SGSM3: variants seen among roughly 807,000 people sequenced by gnomAD.
SGSM3 encodes RUN and SH3 containing 3.
In SGSM3, 96 loss-of-function variants were observed where a neutral mutation model predicts 100.5. The ratio of observed to expected loss-of-function variants is 0.96; its 90% CI spans 0.81 to 1.13. SGSM3 has a LOEUF of 1.13. SGSM3 is among the 50% of genes most tolerant of loss of function. SGSM3 has a pLI of 0.00. For missense variants in SGSM3, 1,001 were observed against 1,015.8 expected (o/e 0.99, Z 0.20); for synonymous variants, 483 against 422.8 (o/e 1.14, Z -1.75).
chr22:40,408,285 C>T lies in SGSM3; in HGVS notation c.1638C>T (p.Ile546=), dbSNP rs147526904. 6.3e-5 allele frequency: 102 copies of T among 1,613,412 alleles called. No individual in the cohort carries two copies. Among genetic ancestry groups the T allele is most frequent in the East Asian group, 8.9e-5 (4 of 44,882 alleles). ...VLDERSKEYS[I]AGDDSVTEGV... ...CCCATCCCTCCCATCAGTACTCCAT[C>T]GCGGGGGATGACTCGGTGACGGAGG... is the stretch of plus-strand genomic sequence containing the variant. The change falls in exon 16 of 22, where the codon ATC becomes ATT. Residue 546 remains isoleucine, a synonymous_variant. Transcript: ENST00000248929.
rs913076233 is a variant in SGSM3, at chr22:40,407,626, C to A, written c.1524+58C>A. 4 of 1,583,926 alleles carry A rather than the reference C, an allele frequency of 2.5e-6. No homozygotes were observed. The highest frequency in any genetic ancestry group is 3.4e-6 in the Non-Finnish European group (4 of 1,168,012). On this transcript the variant is annotated intron_variant, in intron 13 of 21. Transcript: ENST00000248929. This position sits in a 1 kb window ranked among gnomAD's most constrained non-coding sequence, Gnocchi z 4.7. ...GGCTGTGGCGGGTTCCCCAGACTCC[C>A]TCCACCAAGCCCCACCCCAACCCCT...
rs202034135 is a variant in SGSM3, at chr22:40,406,111, C to T, written c.848C>T (p.Thr283Met). 2.4e-5 allele frequency: 38 copies of T among 1,613,980 alleles called. No individual in the cohort carries two copies. In the East Asian group the frequency reaches 4.0e-4, roughly 17 times the overall value. Residue 283 changes from threonine to methionine, a missense_variant, in exon 9 of 22, where the codon ACG becomes ATG. Physicochemically the swap from Thr to Met is moderately conservative, Grantham distance 81 (BLOSUM62 -1). Coordinates refer to ENST00000248929, the MANE Select transcript of SGSM3 (RefSeq NM_015705.6). ...CTGATCACACTGCACTGGTTCCTCACGGCCTTCGCCAGCGTGGTGGACATC... is the reference window on the plus strand; with the variant it reads ...CTGATCACACTGCACTGGTTCCTCATGGCCTTCGCCAGCGTGGTGGACATC... ...LSLITLHWFL[T>M]AFASVVDIKL...
chr22:40,409,380 C>G lies in SGSM3; in HGVS notation c.2111+8C>G. The G allele has an allele frequency of 6.3e-7, 1 of 1,590,654 alleles. No individual in the cohort carries two copies. The highest frequency in any genetic ancestry group is 8.6e-7 in the Non-Finnish European group (1 of 1,166,918). On this transcript the variant is annotated splice_region_variant and intron_variant, in intron 20 of 21. Coordinates refer to ENST00000248929, the MANE Select transcript of SGSM3 (RefSeq NM_015705.6). ...GATCAAGTGTGAGCTCCGGTGAGGACCTTACTGGGCTTGGGGGATGGAGGT... is the reference window on the plus strand; with the variant it reads ...GATCAAGTGTGAGCTCCGGTGAGGAGCTTACTGGGCTTGGGGGATGGAGGT...
At chr22:40,379,908 G>A (rs1048880017) in intron 1 of SGSM3, among the ~76,000 whole-genome samples, 1 of 151,992 alleles carries the variant, frequency 6.6e-6, no homozygotes, top group South Asian at 2.1e-4. Flanking sequence ...ATTGGGTTTC[G>A]TCATGTTGCC....
intron 1 of SGSM3, among the ~76,000 whole-genome samples, chr22:40,382,418 A>G (rs1353032643): frequency 6.6e-6 from 1 of 151,880 alleles, no homozygotes; most frequent in Non-Finnish European, 1.5e-5. Flanking sequence ...GTTTCCTTAG[A>G]TGTCTTGGGG....
chr22:40,408,410 C>G lies in SGSM3; in HGVS notation c.1763C>G (p.Pro588Arg). The G allele has an allele frequency of 1.2e-6, 2 of 1,613,508 alleles. No homozygotes were observed. The highest frequency in any genetic ancestry group is 1.7e-6 in the Non-Finnish European group (2 of 1,179,978). ...KPSLLGGACH[P>R]WLFIEEAAGR... ...TCCCTGCTTGGGGGCGCCTGCCACC[C>G]CTGGCTGTTTATCGAGGAGGTAAGT... is the stretch of plus-strand genomic sequence containing the variant. The change falls in exon 16 of 22, where the codon CCC becomes CGC. Residue 588 changes from proline (P) to arginine (R), a missense_variant. Transcript: ENST00000248929.
At chr22:40,378,284 T>C (rs2046987106) in intron 1 of SGSM3, 1 of 151,796 alleles carries the variant, frequency 6.6e-6, no homozygotes, top group African/African-American at 2.4e-5. Flanking sequence ...ATAAGAAAAA[T>C]TAGCCAGGCA....
chr22:40,391,410 C>A (rs920745000), intron 1 of SGSM3, among the ~76,000 whole-genome samples: 2 of 152,142 alleles, frequency 1.3e-5, no homozygotes, highest in African/African-American at 4.8e-5. Flanking sequence ...GAGTTTGAGA[C>A]CAGCCTAGGC....
chr22:40,401,898 C>T (rs1018495695), intron 3 of SGSM3, among the ~76,000 whole-genome samples: 4 of 152,258 alleles, frequency 2.6e-5, no homozygotes, highest in Middle Eastern at 3.4e-3. Context: ...TGTTTCTTGC[C>T]TTGATTTTAT....
At chr22:40,391,057 G>A (rs2049292515) in intron 1 of SGSM3, among the ~76,000 whole-genome samples, 1 of 152,174 alleles carries the variant, frequency 6.6e-6, no homozygotes, top group African/African-American at 2.4e-5. Context: ...GGAGGTAGGG[G>A]ACATGGAAGT....
intron 1 of SGSM3, among the ~76,000 whole-genome samples, chr22:40,395,218 C>T (rs1324353330): frequency 2.6e-5 from 4 of 152,038 alleles, no homozygotes; most frequent in Non-Finnish European, 5.9e-5. Flanking sequence ...CCCAAATTGA[C>T]GTTTCTACCT....
At chr22:40,375,588 A>T (rs1460770264) in intron 1 of SGSM3, among the ~76,000 whole-genome samples, 2 of 151,836 alleles carry the variant, frequency 1.3e-5, no homozygotes, top group African/African-American at 4.8e-5. Context: ...CTCAAAAAAA[A>T]AAAAAGAGAT....
chr22:40,409,426 G>T (rs2052241992), intron 20 of SGSM3, 39 bp from the exon 21 acceptor site: 3 of 1,568,214 alleles, frequency 1.9e-6, no homozygotes, highest in Non-Finnish European at 2.6e-6. Context: ...GGGCTAGCTG[G>T]GGGTGACAAG....
At chr22:40,383,393 G>A (rs1051950862) in intron 1 of SGSM3, among the ~76,000 whole-genome samples, 1 of 151,818 alleles carries the variant, frequency 6.6e-6, no homozygotes, top group Admixed American at 6.6e-5. Context: ...CGTGAACCTG[G>A]GAGGTGGAGC....
chr22:40,401,340 G>A (rs751317181), intron 2 of SGSM3, among the ~76,000 whole-genome samples: 5 of 152,010 alleles, frequency 3.3e-5, no homozygotes, highest in South Asian at 2.1e-4. Flanking sequence ...TGCAACCTCC[G>A]CTTCTTGGGT....
chr22:40,373,336 T>G (rs1432458394), intron 1 of SGSM3: 2 of 152,260 alleles, frequency 1.3e-5, no homozygotes, highest in African/African-American at 2.4e-5. Context: ...CTCCTGCTTT[T>G]CCTTTCTAGA....
In SGSM3 at chr22:40,407,097, G is replaced by A; in HGVS notation, c.1240+26G>A. The A allele has an allele frequency of 2.5e-6, 4 of 1,604,828 alleles. No homozygotes were observed. The highest frequency in any genetic ancestry group is 3.4e-6 in the Non-Finnish European group (4 of 1,175,898). ...GTGAGAGCTCTGCGAGTGCCAGGCA[G>A]TGTGGGCATGCGGGAGTCTGTCCTC... On this transcript the variant is annotated intron_variant, in intron 11 of 21. Transcript: ENST00000248929. The surrounding 1 kb of genome is among the most constrained non-coding windows in gnomAD (Gnocchi z 4.7).
In SGSM3 at chr22:40,404,304, C is replaced by T; in HGVS notation, c.215C>T (p.Pro72Leu). The T allele has an allele frequency of 6.4e-7, 1 of 1,567,182 alleles. No homozygotes were observed. Among genetic ancestry groups the T allele is most frequent in the South Asian group, 1.2e-5 (1 of 82,708 alleles). The change falls in exon 5 of 22, where the codon CCA becomes CTA. Residue 72 changes from proline to leucine, a missense_variant. Pro to Leu is a moderately conservative substitution (Grantham distance 98). Transcript: ENST00000248929. ...AACTCCCCTCTGATGGAGGATGCTC[C>T]ACAGAGGCTGCGGTGGCAGGCCCAC... Reference protein sequence around the residue: ...LANSPLMEDAPQRLRWQAHLE... With the variant: ...LANSPLMEDALQRLRWQAHLE...
In SGSM3 at chr22:40,407,310, C is replaced by A; in HGVS notation, c.1350C>A (p.Asp450Glu). 1.2e-6 allele frequency: 2 copies of A among 1,613,580 alleles called. No individual in the cohort carries two copies. Among genetic ancestry groups the A allele is most frequent in the Non-Finnish European group, 1.7e-6 (2 of 1,180,022 alleles). ...TGGCACGCCACTTCCAGTGCACAGA[C>A]CCCAAAAACTGCAGCGTGGTGAGTC... The part of the protein sequence containing the change: ...LRVARHFQCT[D>E]PKNCSVELTP... The change falls in exon 12 of 22, where the codon GAC becomes GAA. Residue 450 changes from aspartate (D) to glutamate (E), a missense_variant. Physicochemically the swap from Asp to Glu is conservative, Grantham distance 45 (BLOSUM62 2). Transcript: ENST00000248929. This position sits in a 1 kb window ranked among gnomAD's most constrained non-coding sequence, Gnocchi z 4.7.
Sources: allele counts gnomAD v4.1 joint callset (sites outside exome capture counted in the v4.1 genomes callset), GRCh38; gene constraint gnomAD v4.1.1; non-coding constraint Gnocchi (gnomAD v3.1); transcripts MANE v1.5; gene names NCBI Gene and HGNC (gene_info 2026-07-23, HGNC 2026-07-21).